Variants in DOCK7 observed in about 807,000 individuals in gnomAD.
The protein encoded by DOCK7 is dedicator of cytokinesis 7.
In DOCK7, 138 loss-of-function variants were observed where a neutral mutation model predicts 271.0. The observed-to-expected ratio is 0.51, with a 90% CI of 0.44 to 0.59. The LOEUF (loss-of-function observed/expected upper bound fraction) is 0.59, where lower values mean the gene tolerates loss of function less well. DOCK7 is among the 20% of genes least tolerant of loss of function. The pLI, the probability that DOCK7 is intolerant of heterozygous loss-of-function variation, is 0.00. For synonymous variants in DOCK7, 823 were observed against 876.1 expected, an observed-to-expected ratio of 0.94 and a Z score of 1.07; for missense variants, 2,066 against 2,592.4, an observed-to-expected ratio of 0.80 and a Z score of 4.41.
intron 2 of DOCK7, among the ~76,000 whole-genome samples, chr1:62,659,853 G>C (rs148577909): frequency 6.6e-6 from 1 of 152,146 alleles, no homozygotes; most frequent in African/African-American, 2.4e-5. Context: ...AGAGGACATA[G>C]CAATCTTAAA....
intron 4 of DOCK7, among the ~76,000 whole-genome samples, chr1:62,653,262 A>AT (rs1657597793): frequency 6.6e-6 from 1 of 152,192 alleles, no homozygotes; most frequent in Non-Finnish European, 1.5e-5. Flanking sequence ...TTTTACAAAT[A>AT]TTTACCTGAT....
chr1:62,487,540 A>ATAT lies in DOCK7; in HGVS notation c.5494-131_5494-129dup, dbSNP rs1646330920. ...AAGACAGCAGGATATTTTAAACAGC[A>ATAT]TATTCATTTACTTAAGACCTGCAAT... On this transcript the variant is annotated intron_variant, in intron 42 of 49. Coordinates refer to ENST00000635253, the MANE Select transcript of DOCK7 (RefSeq NM_001367561.1). The ATAT allele has an allele frequency of 6.5e-6, 5 of 766,840 alleles. No homozygotes were observed. The East Asian group carries it at 1.3e-4, about 19-fold the overall frequency. The allele number at this position is 766,840 out of a possible 1,614,324, so 47.5% of individuals were successfully genotyped here.
In DOCK7 at chr1:62,641,905, C is replaced by T. The variant is rs538953109; in HGVS notation, c.819-5302G>A. 2.0e-5 allele frequency among the ~76,000 whole-genome samples: 3 copies of T among 151,972 alleles called. No homozygotes were observed. The East Asian group carries it at 5.8e-4, about 29-fold the overall frequency. On this transcript the variant is annotated intron_variant, in intron 7 of 49. Transcript: ENST00000635253. ...ATTAGGTTAATATTTGCCATTATAT[C>T]GTAATATATATTTTTACTTTCAATC...
intron 14 of DOCK7, among the ~76,000 whole-genome samples, chr1:62,591,616 A>G (rs1648463573): frequency 1.3e-5 from 2 of 152,194 alleles, no homozygotes; most frequent in African/African-American, 4.8e-5. Flanking sequence ...AGCAAAACAT[A>G]CAGAAAAACA....
intron 1 of DOCK7, among the ~76,000 whole-genome samples, chr1:62,664,920 A>C (rs756355503): frequency 1.3e-5 from 2 of 152,210 alleles, no homozygotes; most frequent in Non-Finnish European, 2.9e-5. Flanking sequence ...GGAGAGGGCA[A>C]AGGGCAAATT....
At chr1:62,474,346 G>C (rs1026784565) in intron 47 of DOCK7, among the ~76,000 whole-genome samples, 1 of 152,112 alleles carries the variant, frequency 6.6e-6, no homozygotes, top group Non-Finnish European at 1.5e-5. Flanking sequence ...TGACTACTAT[G>C]TTCATTAATG....
intron 1 of DOCK7, among the ~76,000 whole-genome samples, chr1:62,683,304 T>A (rs1450553417): frequency 6.6e-6 from 1 of 152,144 alleles, no homozygotes; most frequent in African/African-American, 2.4e-5. Flanking sequence ...AGCACGGAAG[T>A]AGTTGGTAAT....
At chr1:62,548,608 A>T (rs1645791439) in intron 22 of DOCK7, among the ~76,000 whole-genome samples, 1 of 151,982 alleles carries the variant, frequency 6.6e-6, no homozygotes, top group South Asian at 2.1e-4. Flanking sequence ...TTTAGTAGAG[A>T]CGGGGTTTCT....
intron 41 of DOCK7, among the ~76,000 whole-genome samples, 185 bp from the exon 42 acceptor site, chr1:62,489,250 C>A (rs1646387368): frequency 6.6e-6 from 1 of 152,154 alleles, no homozygotes; most frequent in South Asian, 2.1e-4. Context: ...GAGATCGAGA[C>A]CACCCTGGCT....
Position 62,537,560 on chromosome 1 carries a change from T to C in DOCK7, c.3471+331A>G, listed in dbSNP as rs192601592. ...GAGATCGCACCACTGCACTCCAGCC[T>C]GGGAGAAACAGCAAGACTCTGTCTC... On this transcript the variant is annotated intron_variant, in intron 28 of 49. Coordinates refer to ENST00000635253, the MANE Select transcript of DOCK7 (RefSeq NM_001367561.1). Among the ~76,000 whole-genome samples the C allele has an allele frequency of 2.0e-3, 274 of 136,186 alleles. 1 individual carries two copies. The highest frequency in any genetic ancestry group is 7.5e-3 in the African/African-American group (267 of 35,672). The allele number at this position is 136,186 out of a possible 152,430, so 89.3% of individuals were successfully genotyped here. A position where few individuals can be genotyped will look rare whatever the true frequency, so the allele number is the denominator to read the frequency against.
intron 31 of DOCK7, among the ~76,000 whole-genome samples, chr1:62,517,742 T>C (rs1350265094): frequency 6.6e-6 from 1 of 152,150 alleles, no homozygotes; most frequent in Non-Finnish European, 1.5e-5. Context: ...GCAACAAATA[T>C]TTCTTCATTG....
chr1:62,688,346 C>T lies in DOCK7; in HGVS notation c.-82G>A, dbSNP rs1572032243. 2.1e-5 allele frequency: 20 copies of T among 962,374 alleles called. No individual in the cohort carries two copies. The South Asian group carries it at 7.8e-4, about 38-fold the overall frequency. The allele number at this position is 962,374 out of a possible 1,614,324, so 59.6% of individuals were successfully genotyped here. On this transcript the variant is annotated 5_prime_UTR_variant, in exon 1 of 50. Coordinates refer to ENST00000635253, the MANE Select transcript of DOCK7 (RefSeq NM_001367561.1). ...GCGGGCGCGTGCCTCCTCGCTCGTG[C>T]TCCCTCCCTCGCGGCCTCCGCCAGT...
intron 30 of DOCK7, among the ~76,000 whole-genome samples, chr1:62,528,520 A>AT: frequency 6.6e-6 from 1 of 152,328 alleles, no homozygotes; most frequent in Non-Finnish European, 1.5e-5. Flanking sequence ...TAGTCAGAAG[A>AT]TGTAAGAATA....
Position 62,455,037 on chromosome 1 carries a change from A to C in DOCK7, c.*377T>G. The C allele has an allele frequency of 2.3e-6, 1 of 439,752 alleles. No homozygotes were observed. Among genetic ancestry groups the C allele is most frequent in the East Asian group, 3.5e-5 (1 of 28,948 alleles). 27.2% of individuals were successfully genotyped at this position (439,752 alleles called of 1,614,324 possible). A position where few individuals can be genotyped will look rare whatever the true frequency, so the allele number is the denominator to read the frequency against. On this transcript the variant is annotated 3_prime_UTR_variant, in exon 50 of 50. Transcript: ENST00000635253. Reference sequence around the variant, plus strand: ...TAGTGTAAACATTCACATATTTAATAGTACCTTTAAAATAAGCATTACTAC... The same window carrying C: ...TAGTGTAAACATTCACATATTTAATCGTACCTTTAAAATAAGCATTACTAC...
chr1:62,540,847 G>A (rs987632274), intron 25 of DOCK7, among the ~76,000 whole-genome samples: 3 of 133,378 alleles, frequency 2.2e-5, no homozygotes, highest in African/African-American at 5.6e-5. Flanking sequence ...ACTAAAAAAC[G>A]GTGAAAATTA....
At chr1:62,457,257 A>C (rs920613112) in intron 49 of DOCK7, among the ~76,000 whole-genome samples, 3 of 152,220 alleles carry the variant, frequency 2.0e-5, no homozygotes, top group Middle Eastern at 3.2e-3. Context: ...ATACAGGTTG[A>C]ACATCCCTAA....
intron 2 of DOCK7, among the ~76,000 whole-genome samples, chr1:62,657,105 T>C (rs1658108984): frequency 6.6e-6 from 1 of 152,188 alleles, no homozygotes; most frequent in African/African-American, 2.4e-5. Context: ...GGCTCCTCTT[T>C]CCTTTATCAC....
intron 35 of DOCK7, 66 bp from the exon 36 acceptor site, chr1:62,505,882 C>A (rs1441992625): frequency 1.3e-6 from 2 of 1,499,260 alleles, no homozygotes; most frequent in Non-Finnish European, 1.8e-6. Flanking sequence ...ATGTTACAGG[C>A]CTCCCTATGT....
intron 14 of DOCK7, among the ~76,000 whole-genome samples, chr1:62,615,956 T>C (rs1652384518): frequency 6.6e-6 from 1 of 151,804 alleles, no homozygotes; most frequent in Non-Finnish European, 1.5e-5. Context: ...TCACTTAGCC[T>C]TACCAATACT....
Sources: allele counts gnomAD v4.1 joint callset (sites outside exome capture counted in the v4.1 genomes callset), GRCh38; gene constraint gnomAD v4.1.1; transcripts MANE v1.5; gene names NCBI Gene and HGNC (gene_info 2026-07-23, HGNC 2026-07-21).